The following PPP1R1C variants were observed in gnomAD, a reference collection of about 807,000 sequenced individuals.
PPP1R1C encodes the protein protein phosphatase 1 regulatory subunit 1C.
PPP1R1C carries 15 observed loss-of-function variants against 17.4 expected under a neutral mutation model. The observed-to-expected ratio is 0.86, with a 90% CI of 0.58 to 1.33. The LOEUF is 1.33. Ranked by LOEUF, PPP1R1C falls within the 40% of genes most tolerant of loss-of-function variation. The pLI, the probability that PPP1R1C is intolerant of heterozygous loss-of-function variation, is 0.00. For missense variants in PPP1R1C, 143 were observed against 130.0 expected, an observed-to-expected ratio of 1.10 and a Z score of -0.48; for synonymous variants, 35 against 43.1, an observed-to-expected ratio of 0.81 and a Z score of 0.73.
At chr2:182,072,759 CTTTGTT>C (rs1406309465) in intron 4 of PPP1R1C, among the ~76,000 whole-genome samples, 1 of 152,134 alleles carries the variant, frequency 6.6e-6, no homozygotes, top group Non-Finnish European at 1.5e-5. Flanking sequence ...TGCTTGGTAT[CTTTGTT>C]TTTAATAATT....
At chr2:182,094,384 C>G (rs75990369) in intron 4 of PPP1R1C, among the ~76,000 whole-genome samples, 1 of 152,194 alleles carries the variant, frequency 6.6e-6, no homozygotes, top group Non-Finnish European at 1.5e-5. Flanking sequence ...CATACCATAT[C>G]AGAGAGATTT....
rs532860311 is a variant in PPP1R1C, at chr2:181,962,292, G to C, written n.111+7658G>C. The C allele has an allele frequency of 1.3e-6, 1 of 767,682 alleles. No individual in the cohort carries two copies. The highest frequency in any genetic ancestry group is 2.0e-5 in the Admixed American group (1 of 50,420). The allele number at this position is 767,682 out of a possible 1,614,324, so 47.6% of individuals were successfully genotyped here. A position where few individuals can be genotyped will look rare whatever the true frequency, so the allele number is the denominator to read the frequency against. ...AGACCCCCGGCCATCCCCGCGGCCA[G>C]GTCCCCGGACCCCATGCCACCCCGG... On this transcript the variant is annotated intron_variant and non_coding_transcript_variant, in intron 1 of 5. Coordinates refer to the PPP1R1C transcript ENST00000464264. This position sits in a 1 kb window ranked among gnomAD's most constrained non-coding sequence, Gnocchi z 6.0.
At chr2:182,017,400 A>G (rs996742148) in intron 2 of PPP1R1C, among the ~76,000 whole-genome samples, 1 of 151,990 alleles carries the variant, frequency 6.6e-6, no homozygotes, top group African/African-American at 2.4e-5. Context: ...AATTCACTCT[A>G]ATTTTTATAT....
chr2:182,085,933 TG>T (rs1688615734), intron 4 of PPP1R1C, among the ~76,000 whole-genome samples: 1 of 152,100 alleles, frequency 6.6e-6, no homozygotes, highest in African/African-American at 2.4e-5. Context: ...AACCCCTAGA[TG>T]GGTCATAAAG....
intron 5 of PPP1R1C, among the ~76,000 whole-genome samples, chr2:182,126,965 G>A (rs1410467950): frequency 3.3e-5 from 5 of 152,002 alleles, no homozygotes; most frequent in Non-Finnish European, 7.4e-5. Flanking sequence ...CTATAAACAT[G>A]ACTTAACAGG....
intron 4 of PPP1R1C, among the ~76,000 whole-genome samples, chr2:182,095,048 T>A (rs1203700331): frequency 6.6e-6 from 1 of 152,176 alleles, no homozygotes; most frequent in African/African-American, 2.4e-5. Flanking sequence ...CCCAGCACTC[T>A]GGGAGGCCGA....
chr2:182,087,194 C>T (rs1688652802), intron 4 of PPP1R1C, among the ~76,000 whole-genome samples: 1 of 152,362 alleles, frequency 6.6e-6, no homozygotes, highest in Middle Eastern at 3.4e-3. Context: ...CCGTATTGTA[C>T]ACCTTTGTAC....
At chr2:182,086,456 C>T (rs1310518438) in intron 4 of PPP1R1C, among the ~76,000 whole-genome samples, 5 of 152,076 alleles carry the variant, frequency 3.3e-5, no homozygotes, top group Non-Finnish European at 7.4e-5. Context: ...ATCGATACCA[C>T]TTTTTCAAGA....
chr2:182,059,714 T>TCAACAA (rs777479217), intron 2 of PPP1R1C, among the ~76,000 whole-genome samples: 9 of 149,492 alleles, frequency 6.0e-5, no homozygotes, highest in African/African-American at 2.3e-4. Context: ...TCAGCAGAAC[T>TCAACAA]CAACAACAAC....
chr2:182,111,431 G>A (rs1689413429), intron 4 of PPP1R1C, among the ~76,000 whole-genome samples: 1 of 152,064 alleles, frequency 6.6e-6, no homozygotes, highest in African/African-American at 2.4e-5. Flanking sequence ...TAACTGTGCT[G>A]TCTACATATA....
intron 2 of PPP1R1C, among the ~76,000 whole-genome samples, chr2:182,053,046 A>C (rs1687572976): frequency 6.6e-6 from 1 of 152,256 alleles, no homozygotes; most frequent in Non-Finnish European, 1.5e-5. Flanking sequence ...CAAGAAAAAC[A>C]GGCTTAGTAC....
chr2:182,046,687 C>T (rs1052538123), intron 2 of PPP1R1C, among the ~76,000 whole-genome samples: 26 of 150,352 alleles, frequency 1.7e-4, no homozygotes, highest in African/African-American at 5.9e-4. Context: ...TGCAGTGAGC[C>T]GAGATTGCGC....
chr2:182,027,123 G>T (rs986719164), intron 2 of PPP1R1C, among the ~76,000 whole-genome samples: 4 of 144,482 alleles, frequency 2.8e-5, no homozygotes, highest in Non-Finnish European at 4.5e-5. Context: ...GTGACCATGG[G>T]GTTTTCTAGA....
intron 4 of PPP1R1C, among the ~76,000 whole-genome samples, chr2:182,087,098 T>C (rs1688650104): frequency 6.6e-6 from 1 of 152,238 alleles, no homozygotes; most frequent in Non-Finnish European, 1.5e-5. Flanking sequence ...AAATATACAA[T>C]TACTTCTCAC....
chr2:182,060,625 A>G (rs1267282844), intron 2 of PPP1R1C, among the ~76,000 whole-genome samples: 1 of 151,966 alleles, frequency 6.6e-6, no homozygotes, highest in Non-Finnish European at 1.5e-5. Context: ...TATAGCATGT[A>G]TTTTCATGTC....
At chr2:182,008,089 A>T (rs1009785022) in intron 2 of PPP1R1C, among the ~76,000 whole-genome samples, 3 of 7,544 alleles carry the variant, frequency 4.0e-4, no homozygotes, top group African/African-American at 6.7e-4. Flanking sequence ...ACAAATAAAT[A>T]AAAAAATAAA....
At chr2:182,016,759 C>T (rs1422591630) in intron 2 of PPP1R1C, among the ~76,000 whole-genome samples, 1 of 152,174 alleles carries the variant, frequency 6.6e-6, no homozygotes, top group Non-Finnish European at 1.5e-5. Flanking sequence ...TCAGAATACA[C>T]ATCTAATTTT....
chr2:182,019,470 T>G (rs1686353515), intron 2 of PPP1R1C, among the ~76,000 whole-genome samples: 1 of 152,182 alleles, frequency 6.6e-6, no homozygotes, highest in South Asian at 2.1e-4. Flanking sequence ...CACCCTCAGC[T>G]CTGAGCCTGC....
At chr2:181,986,304 A>G (rs1574353084) in intron 1 of PPP1R1C, 113 bp downstream of exon 1, 5 of 809,968 alleles carry the variant, frequency 6.2e-6, no homozygotes, top group Non-Finnish European at 1.0e-5. Context: ...CTGACTTTCA[A>G]GATAATGTAA....
Sources: allele counts gnomAD v4.1 joint callset (sites outside exome capture counted in the v4.1 genomes callset), GRCh38; gene constraint gnomAD v4.1.1; non-coding constraint Gnocchi (gnomAD v3.1); transcripts MANE v1.5; gene names NCBI Gene and HGNC (gene_info 2026-07-23, HGNC 2026-07-21).